The following FOXN3 variants were observed in gnomAD, a reference collection of about 807,000 sequenced individuals.
FOXN3 encodes the protein forkhead box N3, also known as forkhead box protein N3.
FOXN3 carries 7 observed loss-of-function variants against 38.4 expected under a neutral mutation model. The ratio of observed to expected loss-of-function variants is 0.18; its 90% CI spans 0.10 to 0.34. The LOEUF is 0.34. Among genes scored for constraint, FOXN3 ranks in the 10% least tolerant of loss-of-function variants. The probability of loss-of-function intolerance (pLI) is 1.00; values close to 1 mark genes in which losing one functional copy is unlikely to be tolerated. For synonymous variants in FOXN3, 230 were observed against 242.2 expected, an observed-to-expected ratio of 0.95 and a Z score of 0.47; for missense variants, 456 against 613.4, an observed-to-expected ratio of 0.74 and a Z score of 2.71.
chr14:89,159,337 A>G lies in FOXN3; in HGVS notation c.*3077T>C, dbSNP rs528447627. On this transcript the variant is annotated 3_prime_UTR_variant, in exon 6 of 6. Transcript: ENST00000557258. ...ATGCCTCCAAAAACAGAAGAAAAAT[A>G]GGAAGAAGTACCCTCACTAAAGGTT... 6.5e-6 allele frequency: 1 copy of G among 152,806 alleles called. No individual in the cohort carries two copies. Among genetic ancestry groups the G allele is most frequent in the Non-Finnish European group, 1.5e-5 (1 of 68,034 alleles). The allele number at this position is 152,806 out of a possible 1,614,324, so 9.5% of individuals were successfully genotyped here.
intron 3 of FOXN3, among the ~76,000 whole-genome samples, chr14:89,286,918 T>C (rs1248255653): frequency 6.6e-6 from 1 of 152,102 alleles, no homozygotes; most frequent in Non-Finnish European, 1.5e-5. Context: ...GAAGCTTGAG[T>C]GTCCCGGCAA....
At chr14:89,275,208 C>T (rs4904529) in intron 4 of FOXN3, among the ~76,000 whole-genome samples, 5,639 of 152,250 alleles carry the variant, frequency 0.037, 137 homozygotes, top group Middle Eastern at 0.095. Context: ...TCCAAAGGAC[C>T]TTGGAAAATC....
At chr14:89,348,304 G>C (rs923602122) in intron 3 of FOXN3, among the ~76,000 whole-genome samples, 2 of 152,064 alleles carry the variant, frequency 1.3e-5, no homozygotes, top group Admixed American at 1.3e-4. Flanking sequence ...GCATTTTGGG[G>C]TCCCTGTTTA....
Position 89,307,938 on chromosome 14 carries a change from A to G in FOXN3, c.681-26924T>C, listed in dbSNP as rs137972186. Among the ~76,000 whole-genome samples, 8 of 152,360 alleles carry G rather than the reference A, an allele frequency of 5.3e-5. No individual in the cohort carries two copies. The East Asian group carries it at 1.5e-3, about 29-fold the overall frequency. On this transcript the variant is annotated intron_variant, in intron 3 of 5. Transcript: ENST00000557258. ...ATCTTCAAGTTTTGTCAGTATTTGC[A>G]TTTTTGGAAGAAGAGCATGAAAATA...
At chr14:89,518,191 A>G (rs888498895) in intron 1 of FOXN3, among the ~76,000 whole-genome samples, 1 of 152,168 alleles carries the variant, frequency 6.6e-6, no homozygotes, top group Non-Finnish European at 1.5e-5. Flanking sequence ...CTCCCCCTGA[A>G]GGTTCCCTTA....
intron 1 of FOXN3, among the ~76,000 whole-genome samples, chr14:89,499,535 A>G (rs1167116687): frequency 6.6e-6 from 1 of 150,588 alleles, no homozygotes; most frequent in Non-Finnish European, 1.5e-5. Context: ...GGGCCTACCC[A>G]GCTTGTTTTT....
Position 89,446,087 on chromosome 14 carries a change from C to CAA in FOXN3, c.-14-33599_-14-33598dup, listed in dbSNP as rs576883864. Among the ~76,000 whole-genome samples, 132 of 40,040 alleles carry CAA rather than the reference C, an allele frequency of 3.3e-3. 3 individuals carry two copies. The highest frequency in any genetic ancestry group is 7.8e-3 in the African/African-American group (91 of 11,740). The allele number at this position is 40,040 out of a possible 152,430, so 26.3% of individuals were successfully genotyped here. ...TGGGTAACAGAGCGAGACCCTGCCT[C>CAA]AAAAAAAAAAAAAAAAAAAAAAAAT... is the stretch of plus-strand genomic sequence containing the variant. On this transcript the variant is annotated intron_variant, in intron 1 of 6. Coordinates refer to the FOXN3 transcript ENST00000345097.
chr14:89,278,208 T>C (rs1886355259), intron 4 of FOXN3, among the ~76,000 whole-genome samples: 1 of 152,012 alleles, frequency 6.6e-6, no homozygotes, highest in African/African-American at 2.4e-5. Flanking sequence ...AAAAGATACG[T>C]CTTACATGGC....
chr14:89,183,137 T>C (rs1395700855), intron 4 of FOXN3, among the ~76,000 whole-genome samples: 1 of 152,192 alleles, frequency 6.6e-6, no homozygotes, highest in Non-Finnish European at 1.5e-5. Context: ...AGGCTTTTTG[T>C]TTGCCTGTTT....
At chr14:89,238,960 AATTAAC>A (rs1885061942) in intron 4 of FOXN3, among the ~76,000 whole-genome samples, 1 of 152,220 alleles carries the variant, frequency 6.6e-6, no homozygotes, top group African/African-American at 2.4e-5. Context: ...GACTGCCAGT[AATTAAC>A]ATTCACCCAG....
chr14:89,471,400 A>C (rs892643847), intron 1 of FOXN3, among the ~76,000 whole-genome samples: 1 of 151,978 alleles, frequency 6.6e-6, no homozygotes, highest in Non-Finnish European at 1.5e-5. Context: ...CCAGGAGCTC[A>C]AGACTAGCCT....
intron 3 of FOXN3, among the ~76,000 whole-genome samples, chr14:89,295,576 G>T (rs1456044639): frequency 1.3e-5 from 2 of 151,648 alleles, no homozygotes; most frequent in African/African-American, 4.9e-5. Flanking sequence ...AAACACTAAG[G>T]ATTTTTTTTT....
chr14:89,389,401 T>G (rs1890875430), intron 2 of FOXN3, among the ~76,000 whole-genome samples: 1 of 152,154 alleles, frequency 6.6e-6, no homozygotes, highest in African/African-American at 2.4e-5. Flanking sequence ...GAACACCCTT[T>G]CATTCTATCC....
chr14:89,488,083 C>T (rs1244705227), intron 1 of FOXN3, among the ~76,000 whole-genome samples: 1 of 148,838 alleles, frequency 6.7e-6, no homozygotes, highest in Non-Finnish European at 1.5e-5. Flanking sequence ...GAGCTAGGGG[C>T]TCTTCTTTTT....
intron 4 of FOXN3, among the ~76,000 whole-genome samples, chr14:89,192,444 T>C (rs533299880): frequency 3.6e-4 from 51 of 142,286 alleles, no homozygotes; most frequent in African/African-American, 1.2e-3. Context: ...AATACATAAA[T>C]TATATATTAT....
At chr14:89,491,188 C>G (rs1011208671) in intron 1 of FOXN3, among the ~76,000 whole-genome samples, 2 of 151,558 alleles carry the variant, frequency 1.3e-5, no homozygotes, top group Admixed American at 6.6e-5. Flanking sequence ...ATTGGTCAGG[C>G]TGGTCTCGAA....
intron 1 of FOXN3, among the ~76,000 whole-genome samples, chr14:89,515,921 G>C (rs768605202): frequency 1.3e-5 from 2 of 152,194 alleles, no homozygotes; most frequent in Non-Finnish European, 2.9e-5. Context: ...CATTGTGACG[G>C]TGTGGTTGCC....
chr14:89,313,148 G>A (rs1007066538), intron 3 of FOXN3, among the ~76,000 whole-genome samples: 1 of 152,176 alleles, frequency 6.6e-6, no homozygotes, highest in African/African-American at 2.4e-5. Context: ...CTAAGTCTCT[G>A]CATGTTTACT....
intron 2 of FOXN3, among the ~76,000 whole-genome samples, chr14:89,408,766 A>G: frequency 6.6e-6 from 1 of 151,908 alleles, no homozygotes; most frequent in Non-Finnish European, 1.5e-5. Flanking sequence ...ACTGCATACA[A>G]CTTGCAAGGT....
Sources: gnomAD v4.1 joint callset for allele counts (sites outside exome capture counted in the v4.1 genomes callset) on GRCh38, gnomAD v4.1.1 for gene constraint, MANE v1.5 for transcripts, NCBI Gene and HGNC (gene_info 2026-07-23, HGNC 2026-07-21) for gene names.